The following TSNAX variants were observed in gnomAD, a reference collection of about 807,000 sequenced individuals.
TSNAX encodes translin associated factor X, also known as translin-associated protein X.
A neutral mutation model predicts 33.0 loss-of-function variants in TSNAX; 12 were observed. The observed-to-expected ratio is 0.36, with a 90% CI of 0.23 to 0.59. The LOEUF is 0.59. Among genes scored for constraint, TSNAX ranks in the 20% least tolerant of loss-of-function variants. The pLI, the probability that TSNAX is intolerant of heterozygous loss-of-function variation, is 0.74. For synonymous variants in TSNAX, 110 were observed against 117.2 expected, an observed-to-expected ratio of 0.94 and a Z score of 0.40; for missense variants, 267 against 341.3, an observed-to-expected ratio of 0.78 and a Z score of 1.72.
intron 4 of TSNAX, among the ~76,000 whole-genome samples, chr1:231,558,201 C>T (rs775956516): frequency 8.5e-5 from 13 of 152,088 alleles, no homozygotes; most frequent in Non-Finnish European, 1.8e-4. Flanking sequence ...AAGGAATTCC[C>T]TGCCCAAGGA....
At chr1:231,557,999 G>C (rs1660799589) in intron 4 of TSNAX, among the ~76,000 whole-genome samples, 1 of 152,066 alleles carries the variant, frequency 6.6e-6, no homozygotes, top group African/African-American at 2.4e-5. Context: ...AGAGTGAGCA[G>C]CCACTACCCC....
chr1:231,530,297 C>T (rs367809226), intron 2 of TSNAX, among the ~76,000 whole-genome samples: 1 of 152,178 alleles, frequency 6.6e-6, no homozygotes, highest in Non-Finnish European at 1.5e-5. Context: ...GGAGGAGTCT[C>T]AGGTTATTTG....
At position 231,561,225 on chromosome 1, in the gene TSNAX, G is replaced by T. The variant is rs372994168; in HGVS notation, c.465G>T (p.Thr155=). 162 of 1,559,198 alleles carry T rather than the reference G, an allele frequency of 1.0e-4. No homozygotes were observed. The highest frequency in any genetic ancestry group is 2.8e-5 in the Non-Finnish European group (32 of 1,141,792). Reference sequence around the variant, plus strand: ...AAATTAATAAACAATTGATATTTACGACTGAAGACAATGGGAAAGAAAATA... The same window carrying T: ...AAATTAATAAACAATTGATATTTACTACTGAAGACAATGGGAAAGAAAATA... The part of the protein sequence containing the change: ...MDEINKQLIF[T]TEDNGKENKT... Residue 155 remains threonine (T), a synonymous_variant, in exon 5 of 6, where the codon ACG becomes ACT. Coordinates refer to ENST00000366639, the MANE Select transcript of TSNAX (RefSeq NM_005999.3).
chr1:231,541,836 T>A (rs1659595775), intron 3 of TSNAX, among the ~76,000 whole-genome samples: 1 of 152,218 alleles, frequency 6.6e-6, no homozygotes, highest in South Asian at 2.1e-4. Context: ...CCTGCACTGA[T>A]CAGTACTCAA....
intron 5 of TSNAX, chr1:231,563,385 T>G (rs749100400): frequency 5.2e-5 from 8 of 152,980 alleles, no homozygotes; most frequent in Non-Finnish European, 8.8e-5. Context: ...TGTTGGGCAT[T>G]ATGCCAAGAA....
At chr1:231,561,733 C>T (rs1333156597) in intron 5 of TSNAX, among the ~76,000 whole-genome samples, 1 of 152,146 alleles carries the variant, frequency 6.6e-6, no homozygotes, top group East Asian at 1.9e-4. Flanking sequence ...GTCCACTCTG[C>T]CAGCGCTTCT....
chr1:231,543,442 G>A (rs1445401913), intron 4 of TSNAX, among the ~76,000 whole-genome samples: 2 of 151,912 alleles, frequency 1.3e-5, no homozygotes, highest in African/African-American at 4.8e-5. Flanking sequence ...AACCTGAAAT[G>A]CTCCAATGAG....
In TSNAX at chr1:231,560,416, C is replaced by G. The variant is rs529235187; in HGVS notation, c.368-712C>G. The stretch of plus-strand genomic sequence containing the variant: ...TAGGCTTTTCTTTTCTCCCCCCCCC[C>G]CCTTTTTTTTTTTTTGAGACGAAGT... On this transcript the variant is annotated intron_variant, in intron 4 of 5. Coordinates refer to ENST00000366639, the MANE Select transcript of TSNAX (RefSeq NM_005999.3). 4.0e-4 allele frequency among the ~76,000 whole-genome samples: 43 copies of G among 107,304 alleles called. 1 individual carries two copies. The highest frequency in any genetic ancestry group is 1.2e-3 in the African/African-American group (35 of 28,328). 70.4% of individuals were successfully genotyped at this position (107,304 alleles called of 152,430 possible).
At chr1:231,528,907 A>G in intron 1 of TSNAX, 81 bp downstream of exon 1, 2 of 1,574,396 alleles carry the variant, frequency 1.3e-6, no homozygotes, top group South Asian at 2.2e-5. Context: ...TCCCCTTTTC[A>G]CCCTTGAAGG....
intron 3 of TSNAX, among the ~76,000 whole-genome samples, chr1:231,541,285 CAA>C (rs1246932078): frequency 5.3e-5 from 8 of 152,046 alleles, no homozygotes; most frequent in Non-Finnish European, 7.4e-5. Flanking sequence ...TCACTTTGTA[CAA>C]TACTGTGTTT....
intron 4 of TSNAX, among the ~76,000 whole-genome samples, chr1:231,547,025 C>G (rs1239139520): frequency 2.0e-5 from 3 of 152,152 alleles, no homozygotes; most frequent in Non-Finnish European, 4.4e-5. Context: ...CCAAGGAAAG[C>G]AAAATATGTT....
At chr1:231,538,826 G>A (rs1659360989) in intron 3 of TSNAX, among the ~76,000 whole-genome samples, 1 of 151,978 alleles carries the variant, frequency 6.6e-6, no homozygotes, top group African/African-American at 2.4e-5. Context: ...CAGCTGCTCA[G>A]GAGACTGAGG....
At chr1:231,546,893 G>A (rs1659953069) in intron 4 of TSNAX, among the ~76,000 whole-genome samples, 1 of 152,112 alleles carries the variant, frequency 6.6e-6, no homozygotes, top group Non-Finnish European at 1.5e-5. Context: ...GGGGGATGGC[G>A]CCTGAGGATT....
intron 2 of TSNAX, among the ~76,000 whole-genome samples, chr1:231,530,735 A>G (rs1302020915): frequency 6.7e-6 from 1 of 150,354 alleles, no homozygotes; most frequent in East Asian, 2.0e-4. Flanking sequence ...AAAAGTACGA[A>G]AAATTAGTTG....
intron 2 of TSNAX, among the ~76,000 whole-genome samples, chr1:231,531,124 T>C (rs1658679046): frequency 1.3e-5 from 2 of 151,934 alleles, no homozygotes; most frequent in Admixed American, 1.3e-4. Context: ...ATGCCTAATT[T>C]TTTTAAATTT....
rs1243875099 is a variant in TSNAX at position 231,529,352 on chromosome 1, C to G, written c.114C>G (p.Ala38=). 6.2e-7 allele frequency: 1 copy of G among 1,613,958 alleles called. No individual in the cohort carries two copies. The highest frequency in any genetic ancestry group is 2.2e-5 in the East Asian group (1 of 44,886). Residue 38 remains alanine, a synonymous_variant, in exon 2 of 6, where the codon GCC becomes GCG. Coordinates refer to ENST00000366639, the MANE Select transcript of TSNAX (RefSeq NM_005999.3). ...DVNSSSPVML[A]FKSFQQELDA... ...ATTCATCTTCACCCGTGATGTTGGC[C>G]TTTAAATGTAAGTTCTCTGCAATGT...
chr1:231,559,888 A>G (rs1179279099), intron 4 of TSNAX, among the ~76,000 whole-genome samples: 1 of 151,662 alleles, frequency 6.6e-6, no homozygotes, highest in Non-Finnish European at 1.5e-5. Flanking sequence ...AACTATGAAA[A>G]GATAAACGGT....
At position 231,565,705 on chromosome 1, in the gene TSNAX, CAG is replaced by C. The variant is rs1445511560; in HGVS notation, c.*803_*804del. ...CGCCACTGCACTCCAGCCTGGGTAACAGAGCAAGACTCCATCTCAAAAAAAGA... is the reference window on the plus strand; with the variant it reads ...CGCCACTGCACTCCAGCCTGGGTAACAGCAAGACTCCATCTCAAAAAAAGA... On this transcript the variant is annotated 3_prime_UTR_variant, in exon 6 of 6. Transcript: ENST00000366639. 6.6e-6 allele frequency: 1 copy of C among 151,920 alleles called. No individual in the cohort carries two copies. The highest frequency in any genetic ancestry group is 2.4e-5 in the African/African-American group (1 of 41,338). 9.4% of individuals were successfully genotyped at this position (151,920 alleles called of 1,614,324 possible). A position where few individuals can be genotyped will look rare whatever the true frequency, so the allele number is the denominator to read the frequency against.
intron 4 of TSNAX, among the ~76,000 whole-genome samples, chr1:231,553,158 A>G (rs1251414906): frequency 1.3e-5 from 2 of 152,244 alleles, no homozygotes; most frequent in Non-Finnish European, 2.9e-5. Context: ...CTGAAAAAGC[A>G]TTAAAAACCA....
Sources: allele counts gnomAD v4.1 joint callset (sites outside exome capture counted in the v4.1 genomes callset), GRCh38; gene constraint gnomAD v4.1.1; transcripts MANE v1.5; gene names NCBI Gene and HGNC (gene_info 2026-07-23, HGNC 2026-07-21).